The following ALMS1 variants were observed in gnomAD, a reference collection of about 807,000 sequenced individuals.
ALMS1 encodes centrosome-associated protein ALMS1.
A neutral mutation model predicts 352.2 loss-of-function variants in ALMS1; 271 were observed. That is an observed-to-expected ratio of 0.77 (90% confidence interval 0.70 to 0.85). ALMS1 has a LOEUF of 0.85. ALMS1 is among the 40% of genes least tolerant of loss of function. The pLI is 0.00. For missense variants in ALMS1, 5,445 were observed against 4,870.7 expected, an observed-to-expected ratio of 1.12 and a Z score of -3.51; for synonymous variants, 1,865 against 1,761.2, an observed-to-expected ratio of 1.06 and a Z score of -1.48.
At position 73,386,210 on chromosome 2, in the gene ALMS1, G is replaced by C; in HGVS notation, c.324+18G>C. 6.6e-7 allele frequency: 1 copy of C among 1,514,648 alleles called. No homozygotes were observed. The highest frequency in any genetic ancestry group is 8.9e-7 in the Non-Finnish European group (1 of 1,128,050). The allele number at this position is 1,514,648 out of a possible 1,614,324, so 93.8% of individuals were successfully genotyped here. Reference sequence around the variant, plus strand: ...TGGAGAAGGTGAGGCGGGCCGGGGAGGGGTGTGGAGCCGCGGCGAGTTGGG... The same window carrying C: ...TGGAGAAGGTGAGGCGGGCCGGGGACGGGTGTGGAGCCGCGGCGAGTTGGG... On this transcript the variant is annotated intron_variant, in intron 1 of 22. Coordinates refer to ENST00000613296, the MANE Select transcript of ALMS1 (RefSeq NM_001378454.1).
intron 2 of ALMS1, among the ~76,000 whole-genome samples, chr2:73,414,141 T>C (rs1188008244): frequency 1.3e-5 from 2 of 152,158 alleles, no homozygotes; most frequent in African/African-American, 4.8e-5. Context: ...CAATATTGAG[T>C]TTTCTAATCC....
chr2:73,538,514 C>T (rs183772750), intron 12 of ALMS1, among the ~76,000 whole-genome samples: 30 of 152,240 alleles, frequency 2.0e-4, no homozygotes, highest in Admixed American at 1.8e-3. Context: ...GTTCATCTCA[C>T]TAGGGATTGT....
At chr2:73,402,049 TGA>T (rs145381255) in intron 1 of ALMS1, among the ~76,000 whole-genome samples, 37,555 of 150,644 alleles carry the variant, frequency 0.25, 5,023 homozygotes, top group African/African-American at 0.36. Flanking sequence ...TGTGTGTGTG[TGA>T]GTGTGAGTGT....
intron 2 of ALMS1, among the ~76,000 whole-genome samples, chr2:73,418,891 A>G (rs1490561118): frequency 6.6e-6 from 1 of 152,216 alleles, no homozygotes; most frequent in Admixed American, 6.5e-5. Context: ...GGCGTACAAT[A>G]CAACTTAGTA....
Position 73,572,492 on chromosome 2 carries a change from AAGAC to A in ALMS1, c.10619_10622del (p.Thr3540IlefsTer5), listed in dbSNP as rs2104104427. 6.2e-7 allele frequency: 1 copy of A among 1,613,978 alleles called. No individual in the cohort carries two copies. The highest frequency in any genetic ancestry group is 8.5e-7 in the Non-Finnish European group (1 of 1,179,992). On this transcript the variant is annotated frameshift_variant, in exon 16 of 23. Transcript: ENST00000613296. LOFTEE classifies it high-confidence loss of function. ...TCCTTATCAAAACATGGACAAGACT[AAGAC>A]AGATTATACCAGAATAAAGAGCCTC...
chr2:73,604,415 A>G (rs1027043245), intron 21 of ALMS1, among the ~76,000 whole-genome samples: 1 of 152,204 alleles, frequency 6.6e-6, no homozygotes, highest in Non-Finnish European at 1.5e-5. Flanking sequence ...TAATAAATAC[A>G]ATTTTTAAAA....
chr2:73,510,380 C>T (rs887865718), intron 10 of ALMS1, among the ~76,000 whole-genome samples: 5 of 152,156 alleles, frequency 3.3e-5, no homozygotes, highest in African/African-American at 4.8e-5. Flanking sequence ...TGTTGGTGAA[C>T]TTCAGATGGA....
chr2:73,452,354 C>CTAACA lies in ALMS1; in HGVS notation c.5827_5828insTAACA (p.Arg1943LeufsTer25). On this transcript the variant is annotated frameshift_variant, in exon 8 of 23. Transcript: ENST00000613296. LOFTEE classifies it high-confidence loss of function. ...AACAGTACCTTTAAGTTACTACTCA[C>CTAACA]GTAGAGAGAAGCCCAGTGTTATCTC... 1 of 1,614,004 alleles carries CTAACA rather than the reference C, an allele frequency of 6.2e-7. No homozygotes were observed. Among genetic ancestry groups the CTAACA allele is most frequent in the South Asian group, 1.1e-5 (1 of 91,082 alleles).
chr2:73,494,359 T>G (rs1347352333), intron 10 of ALMS1, among the ~76,000 whole-genome samples: 1 of 149,740 alleles, frequency 6.7e-6, no homozygotes, highest in Non-Finnish European at 1.5e-5. Context: ...TAACCTTTAC[T>G]GAAGCTTCCA....
At position 73,394,813 on chromosome 2, in the gene ALMS1, A is replaced by G. The variant is rs967284452; in HGVS notation, c.324+8621A>G. Among the ~76,000 whole-genome samples, 7 of 152,136 alleles carry G rather than the reference A, an allele frequency of 4.6e-5. No homozygotes were observed. The South Asian group carries it at 8.3e-4, about 18-fold the overall frequency. ...AGATGGCATAGCCTACTACACACCTAGGCTATATAGTCTAACTGTTTGCTC... is the reference window on the plus strand; with the variant it reads ...AGATGGCATAGCCTACTACACACCTGGGCTATATAGTCTAACTGTTTGCTC... On this transcript the variant is annotated intron_variant, in intron 1 of 22. Transcript: ENST00000613296.
chr2:73,440,397 A>T (rs1291300794), intron 7 of ALMS1, among the ~76,000 whole-genome samples: 1 of 151,196 alleles, frequency 6.6e-6, no homozygotes, highest in East Asian at 1.9e-4. Context: ...TTTGAATTTG[A>T]CTCATCTTAT....
rs747128376 is a variant in ALMS1 at position 73,419,183 on chromosome 2, T to G, written c.511T>G (p.Ser171Ala). Reference protein sequence around the residue: ...EMDSSQTLDTSQTRFNVRTED... With the variant: ...EMDSSQTLDTAQTRFNVRTED... The stretch of plus-strand genomic sequence containing the variant: ...GGACTCTTCCCAAACCTTGGATACA[T>G]CCCAGACTAGGTTTAATGTGAGAAC... The change falls in exon 3 of 23, where the codon TCC becomes GCC. Residue 171 changes from serine to alanine, a missense_variant. Physicochemically the swap from Ser to Ala is moderately conservative, Grantham distance 99. Transcript: ENST00000613296. 1 of 1,614,050 alleles carries G rather than the reference T, an allele frequency of 6.2e-7. No homozygotes were observed. Among genetic ancestry groups the G allele is most frequent in the Admixed American group, 1.7e-5 (1 of 60,008 alleles).
intron 15 of ALMS1, among the ~76,000 whole-genome samples, chr2:73,564,539 A>G (rs781636094): frequency 1.1e-4 from 16 of 152,164 alleles, no homozygotes; most frequent in South Asian, 2.1e-4. Flanking sequence ...AGTGCAATCA[A>G]CCATCACCAT....
rs753295349 is a variant in ALMS1, at chr2:73,451,831, T to C, written c.5304T>C (p.Ser1768=). 2 of 1,612,910 alleles carry C rather than the reference T, an allele frequency of 1.2e-6. No homozygotes were observed. Among genetic ancestry groups the C allele is most frequent in the South Asian group, 2.2e-5 (2 of 90,994 alleles). The change falls in exon 8 of 23, where the codon TCT becomes TCC. Residue 1768 remains serine, a synonymous_variant. Coordinates refer to ENST00000613296, the MANE Select transcript of ALMS1 (RefSeq NM_001378454.1). ...CACATACAGAGAAGCCTAATATTTC[T>C]TACCAGCAAGAGTTGCCAGATAGTC... ...FYSHTEKPNI[S]YQQELPDSHL... is the part of the protein sequence containing the mutation.
At chr2:73,464,665 T>G (rs1672289306) in intron 9 of ALMS1, among the ~76,000 whole-genome samples, 1 of 152,122 alleles carries the variant, frequency 6.6e-6, no homozygotes, top group East Asian at 1.9e-4. Flanking sequence ...TGTCCCTGTT[T>G]GCAGATGACA....
intron 12 of ALMS1, among the ~76,000 whole-genome samples, chr2:73,547,147 A>G (rs1187700395): frequency 6.6e-6 from 1 of 152,176 alleles, no homozygotes; most frequent in Non-Finnish European, 1.5e-5. Context: ...CCTGTAGGCT[A>G]TTGTAAATGT....
At position 73,426,462 on chromosome 2, in the gene ALMS1, A is replaced by C. The variant is rs777072028; in HGVS notation, c.1247A>C (p.Gln416Pro). The part of the protein sequence containing the change: ...QAETYLTKGL[Q>P]GKVESDVITL... The stretch of plus-strand genomic sequence containing the variant: ...GACTCCTATTTTGTAGAGGGCCTGC[A>C]GGGGAAGGTTGAGTCTGACGTCATT... Residue 416 changes from glutamine (Q) to proline (P), a missense_variant, in exon 6 of 23, where the codon CAG (glutamine) becomes CCG (proline). Transcript: ENST00000613296. 6.2e-7 allele frequency: 1 copy of C among 1,613,956 alleles called. No individual in the cohort carries two copies. Among genetic ancestry groups the C allele is most frequent in the Non-Finnish European group, 8.5e-7 (1 of 1,179,934 alleles).
intron 9 of ALMS1, among the ~76,000 whole-genome samples, chr2:73,457,657 G>A (rs1293993774): frequency 6.6e-6 from 1 of 151,910 alleles, no homozygotes; most frequent in Non-Finnish European, 1.5e-5. Context: ...ATCCCTTTCA[G>A]CTTTGTGCCA....
At position 73,600,876 on chromosome 2, in the gene ALMS1, A is replaced by T. The variant is rs553786370; in HGVS notation, c.11867A>T (p.His3956Leu). 2 of 1,613,408 alleles carry T rather than the reference A, an allele frequency of 1.2e-6. No homozygotes were observed. Among genetic ancestry groups the T allele is most frequent in the Non-Finnish European group, 1.7e-6 (2 of 1,179,614 alleles). ...RKLKKNKKNS[H>L]EGVSWFVPVE... Reference sequence around the variant, plus strand: ...TTAAAAAAGAACAAGAAGAATTCCCATGAAGGTCAGTTTCTCATTCCAGAT... The same window carrying T: ...TTAAAAAAGAACAAGAAGAATTCCCTTGAAGGTCAGTTTCTCATTCCAGAT... The change falls in exon 18 of 23, where the codon CAT becomes CTT. Residue 3956 changes from histidine (H) to leucine (L), a missense_variant. Physicochemically the swap from His to Leu is moderately conservative, Grantham distance 99. Transcript: ENST00000613296.
Sources: gnomAD v4.1 joint callset for allele counts (sites outside exome capture counted in the v4.1 genomes callset) on GRCh38, gnomAD v4.1.1 for gene constraint, MANE v1.5 for transcripts, NCBI Gene and HGNC (gene_info 2026-07-23, HGNC 2026-07-21) for gene names.